The following TMEM50A variants were observed in gnomAD, a reference collection of about 807,000 sequenced individuals.
TMEM50A encodes the protein cervical cancer oncogene 9.
A neutral mutation model predicts 23.9 loss-of-function variants in TMEM50A; 8 were observed. The ratio of observed to expected loss-of-function variants is 0.33; its 90% CI spans 0.20 to 0.60. TMEM50A has a LOEUF of 0.60. Ranked by LOEUF, TMEM50A falls within the 20% of genes least tolerant of loss-of-function variation. TMEM50A has a pLI of 0.81. For missense variants in TMEM50A, 178 were observed against 192.7 expected, an observed-to-expected ratio of 0.92 and a Z score of 0.45; for synonymous variants, 55 against 60.4, an observed-to-expected ratio of 0.91 and a Z score of 0.41.
intron 1 of TMEM50A, among the ~76,000 whole-genome samples, chr1:25,339,264 A>G (rs1327753478): frequency 6.6e-6 from 1 of 152,198 alleles, no homozygotes; most frequent in Non-Finnish European, 1.5e-5. Context: ...ACATGGCTGT[A>G]TCTCAGGTCT....
At chr1:25,355,184 C>G (rs1645321617) in intron 5 of TMEM50A, among the ~76,000 whole-genome samples, 1 of 151,974 alleles carries the variant, frequency 6.6e-6, no homozygotes, top group African/African-American at 2.4e-5. Context: ...TGGCACACAC[C>G]TCCAATCCCA....
At chr1:25,357,401 A>T (rs959551249) in intron 6 of TMEM50A, among the ~76,000 whole-genome samples, 6 of 152,098 alleles carry the variant, frequency 3.9e-5, no homozygotes, top group Non-Finnish European at 5.9e-5. Context: ...CTTTCCTAGA[A>T]ATTTAGGGCC....
chr1:25,350,710 G>C (rs3093612), intron 3 of TMEM50A, among the ~76,000 whole-genome samples: 143,850 of 152,234 alleles, frequency 0.94, 68,455 homozygotes, highest in East Asian at 1. Context: ...TTTAACAATC[G>C]AGACTCACCT....
At chr1:25,350,614 C>T (rs1645265970) in intron 3 of TMEM50A, among the ~76,000 whole-genome samples, 1 of 152,080 alleles carries the variant, frequency 6.6e-6, no homozygotes, top group Non-Finnish European at 1.5e-5. Flanking sequence ...TCTTGAACTC[C>T]TCACCTCAGG....
chr1:25,356,244 A>G (rs1465484039), intron 5 of TMEM50A, among the ~76,000 whole-genome samples: 1 of 152,178 alleles, frequency 6.6e-6, no homozygotes, highest in Non-Finnish European at 1.5e-5. Flanking sequence ...TGTGACTGCC[A>G]GGTCTCTGCT....
At chr1:25,341,456 C>T (rs539456457) in intron 2 of TMEM50A, among the ~76,000 whole-genome samples, 15 of 152,214 alleles carry the variant, frequency 9.9e-5, no homozygotes, top group Non-Finnish European at 1.8e-4. Context: ...GACGGGGTTT[C>T]GCCGTGGTCT....
At chr1:25,341,629 T>C (rs1645169668) in intron 2 of TMEM50A, among the ~76,000 whole-genome samples, 1 of 152,146 alleles carries the variant, frequency 6.6e-6, no homozygotes, top group South Asian at 2.1e-4. Context: ...TCTGTCTGCC[T>C]CGGCCTCCCA....
rs761670613 is a variant in TMEM50A at position 25,340,513 on chromosome 1, A to G, written c.27A>G (p.Arg9=). Residue 9 remains arginine (R), a synonymous_variant, in exon 2 of 7, where the codon AGA becomes AGG. Transcript: ENST00000374358. The part of the protein sequence containing the change: MSGFLEGL[R]CSECIDWGEK... The stretch of plus-strand genomic sequence containing the variant: ...TGTCTGGATTTCTAGAGGGCTTGAG[A>G]TGCTCAGAATGCATTGACTGGGGGG... The G allele has an allele frequency of 6.2e-7, 1 of 1,613,742 alleles. No individual in the cohort carries two copies. Among genetic ancestry groups the G allele is most frequent in the South Asian group, 1.1e-5 (1 of 90,992 alleles).
rs1427864090 is a variant in TMEM50A at position 25,362,216 on chromosome 1, T to C, written c.*1511T>C. On this transcript the variant is annotated 3_prime_UTR_variant, in exon 7 of 7. Coordinates refer to ENST00000374358, the MANE Select transcript of TMEM50A (RefSeq NM_014313.4). ...AGAGTTAACTGAGTAGCATGCTTTA[T>C]TAAGCATGAGAAAGAATCTTAAGAA... 2 of 548,306 alleles carry C rather than the reference T, an allele frequency of 3.6e-6. No individual in the cohort carries two copies. The highest frequency in any genetic ancestry group is 6.4e-6 in the Non-Finnish European group (2 of 313,400). 34.0% of individuals were successfully genotyped at this position (548,306 alleles called of 1,614,324 possible).
At chr1:25,340,363 G>A in intron 1 of TMEM50A, 111 bp from the exon 2 acceptor site, 1 of 638,498 alleles carries the variant, frequency 1.6e-6, no homozygotes, top group South Asian at 2.3e-5. Flanking sequence ...CCAAAATAAA[G>A]CATTTGTAAT....
chr1:25,357,326 T>C (rs2124262667), intron 6 of TMEM50A, among the ~76,000 whole-genome samples: 1 of 152,328 alleles, frequency 6.6e-6, no homozygotes, highest in South Asian at 2.1e-4. Context: ...CAATTACAAA[T>C]GAAAAGATGA....
chr1:25,340,480 G>GA lies in TMEM50A; in HGVS notation c.1dup. ...TTGTTTGTTTGTTTTTAAGTGACCT[G>GA]AAAAAAATGTCTGGATTTCTAGAGG... On this transcript the variant is annotated 5_prime_UTR_variant, in exon 2 of 7. Transcript: ENST00000374358. 3.1e-6 allele frequency: 5 copies of GA among 1,610,482 alleles called. No homozygotes were observed. Among genetic ancestry groups the GA allele is most frequent in the Non-Finnish European group, 4.2e-6 (5 of 1,178,460 alleles).
At chr1:25,360,034 T>C (rs1645379983) in intron 6 of TMEM50A, among the ~76,000 whole-genome samples, 2 of 152,076 alleles carry the variant, frequency 1.3e-5, no homozygotes, top group South Asian at 4.2e-4. Context: ...CCAAAACAGT[T>C]TGTTGAATGA....
intron 5 of TMEM50A, among the ~76,000 whole-genome samples, chr1:25,354,072 A>C (rs1262390429): frequency 6.6e-6 from 1 of 151,870 alleles, no homozygotes; most frequent in Non-Finnish European, 1.5e-5. Context: ...GCTTACTGCA[A>C]CCTCCACCTC....
intron 2 of TMEM50A, 140 bp downstream of exon 2, chr1:25,340,719 G>T: frequency 1.6e-6 from 1 of 631,818 alleles, no homozygotes. Flanking sequence ...TGTTGTTTGT[G>T]GAGAGTTATT....
intron 5 of TMEM50A, among the ~76,000 whole-genome samples, chr1:25,354,142 C>T (rs1645308648): frequency 6.6e-6 from 1 of 152,074 alleles, no homozygotes; most frequent in Non-Finnish European, 1.5e-5. Context: ...GGGCGCATGC[C>T]ACCACGCCCT....
chr1:25,344,873 T>C (rs915544624), intron 3 of TMEM50A, among the ~76,000 whole-genome samples: 2 of 152,060 alleles, frequency 1.3e-5, no homozygotes, highest in Admixed American at 1.3e-4. Context: ...AGTTTCTAGC[T>C]GCCTTTTCTT....
At chr1:25,357,609 AGTGTGTGTGTGTGTGTGTGTGTGTGT>A (rs60773283) in intron 6 of TMEM50A, among the ~76,000 whole-genome samples, 1 of 111,462 alleles carries the variant, frequency 9.0e-6, no homozygotes, top group Non-Finnish European at 1.9e-5. Context: ...TCTCTCACCC[AGTGTGTGTGTGTGTGTGTGTGTGTGT>A]GTGTGTGTGT....
chr1:25,344,708 T>C (rs967511713), intron 3 of TMEM50A, among the ~76,000 whole-genome samples: 8 of 151,794 alleles, frequency 5.3e-5, no homozygotes, highest in African/African-American at 1.9e-4. Context: ...TGTTTTTTTT[T>C]GTTTTTTGTT....
Sources: allele counts gnomAD v4.1 joint callset (sites outside exome capture counted in the v4.1 genomes callset), GRCh38; gene constraint gnomAD v4.1.1; transcripts MANE v1.5; gene names NCBI Gene and HGNC (gene_info 2026-07-23, HGNC 2026-07-21).